PCDHA5: variants seen among roughly 807,000 people sequenced by gnomAD.
PCDHA5 encodes protocadherin alpha-5.
Under a neutral mutation model 61.6 loss-of-function variants are expected in PCDHA5, and 43 were observed. That is an observed-to-expected ratio of 0.70 (90% CI 0.55 to 0.90). PCDHA5 has a LOEUF of 0.90. Ranked by LOEUF, PCDHA5 falls within the 40% of genes least tolerant of loss-of-function variation. The pLI is 0.00. For missense variants in PCDHA5, 1,298 were observed against 1,222.7 expected, an observed-to-expected ratio of 1.06 and a Z score of -0.92; for synonymous variants, 627 against 543.9, an observed-to-expected ratio of 1.15 and a Z score of -2.13.
intron 1 of PCDHA5, chr5:140,883,197 TC>T: frequency 6.2e-7 from 1 of 1,613,904 alleles, no homozygotes; most frequent in Admixed American, 1.7e-5. Context: ...AAACTAGATT[TC>T]GAAGAAAAGA....
chr5:140,986,737 G>A (rs1183806071), intron 3 of PCDHA5, among the ~76,000 whole-genome samples: 1 of 152,192 alleles, frequency 6.6e-6, no homozygotes, highest in African/African-American at 2.4e-5. Flanking sequence ...CAAGACCCCA[G>A]GGGATCTGGG....
rs1554148611 is a variant in PCDHA5, at chr5:140,856,378, C to A, written c.2352+32251C>A. 3 of 1,598,456 alleles carry A rather than the reference C, an allele frequency of 1.9e-6. 1 individual carries two copies. Among genetic ancestry groups the A allele is most frequent in the South Asian group, 2.2e-5 (2 of 90,536 alleles). ...GCATCCACCTGGAGGTGATCGTGGA[C>A]AGGCCGCTGCAGGTTTTCCATGTGG... On this transcript the variant is annotated intron_variant, in intron 1 of 3. Coordinates refer to ENST00000529859, the MANE Select transcript of PCDHA5 (RefSeq NM_018908.3).
intron 3 of PCDHA5, among the ~76,000 whole-genome samples, chr5:140,998,721 C>A (rs987484967): frequency 4.6e-5 from 7 of 152,084 alleles, no homozygotes; most frequent in Admixed American, 4.6e-4. Flanking sequence ...TGCACCACCA[C>A]GCTAGGCTAA....
rs549444106 is a variant in PCDHA5 at position 140,953,999 on chromosome 5, T to C, written c.2353-24950T>C. Among the ~76,000 whole-genome samples the C allele has an allele frequency of 1.1e-4, 16 of 152,294 alleles. No homozygotes were observed. In the South Asian group the frequency reaches 3.3e-3, roughly 32 times the overall value. ...CCCTTCATATTTTCATGTGTACTCA[T>C]CATTCAGCTCCCACACATAGTGGGA... is the stretch of plus-strand genomic sequence containing the variant. On this transcript the variant is annotated intron_variant, in intron 1 of 3. Transcript: ENST00000529859.
chr5:140,925,166 A>G (rs2082364629), intron 1 of PCDHA5, among the ~76,000 whole-genome samples: 1 of 152,126 alleles, frequency 6.6e-6, no homozygotes, highest in Admixed American at 6.5e-5. Context: ...GAATTGTGTA[A>G]TTGACCCCAA....
intron 1 of PCDHA5, among the ~76,000 whole-genome samples, chr5:140,907,756 C>A (rs183321184): frequency 6.6e-6 from 1 of 152,146 alleles, no homozygotes; most frequent in African/African-American, 2.4e-5. Flanking sequence ...TGTTCATGGG[C>A]CCATTGGGTG....
chr5:140,888,487 ACT>A (rs1486157760), intron 1 of PCDHA5, among the ~76,000 whole-genome samples: 1 of 152,162 alleles, frequency 6.6e-6, no homozygotes, highest in Non-Finnish European at 1.5e-5. Flanking sequence ...CTGTTGAGAA[ACT>A]CTGCTTTAAA....
chr5:140,871,132 G>T, intron 1 of PCDHA5: 7 of 1,613,372 alleles, frequency 4.3e-6, no homozygotes, highest in Non-Finnish European at 5.9e-6. Context: ...GGCGCCAAAG[G>T]CCTCTTCCCG....
chr5:140,876,334 A>T (rs782377581), intron 1 of PCDHA5: 3 of 1,614,030 alleles, frequency 1.9e-6, no homozygotes, highest in Admixed American at 1.7e-5. Context: ...TTTGCCAGTG[A>T]GTGAGAAATG....
intron 1 of PCDHA5, among the ~76,000 whole-genome samples, chr5:140,912,495 GC>G (rs2075942069): frequency 6.6e-6 from 1 of 152,084 alleles, no homozygotes. Context: ...AGATCTAGGA[GC>G]TTTTTGGATG....
intron 1 of PCDHA5, among the ~76,000 whole-genome samples, chr5:140,953,053 T>G (rs1475683860): frequency 2.0e-5 from 3 of 152,142 alleles, no homozygotes; most frequent in African/African-American, 7.2e-5. Flanking sequence ...TCCAATCACC[T>G]CTCACAGGCC....
intron 1 of PCDHA5, among the ~76,000 whole-genome samples, chr5:140,847,077 G>T (rs2150397168): frequency 6.7e-6 from 1 of 149,668 alleles, no homozygotes; most frequent in East Asian, 1.9e-4. Flanking sequence ...ATGACAAGTA[G>T]AAAAGTCCAC....
In PCDHA5 at chr5:140,871,299, G is replaced by T. The variant is rs782459625; in HGVS notation, c.2352+47172G>T. On this transcript the variant is annotated intron_variant, in intron 1 of 3. Coordinates refer to ENST00000529859, the MANE Select transcript of PCDHA5 (RefSeq NM_018908.3). The stretch of plus-strand genomic sequence containing the variant: ...CAACGCCCACTGAGGGCGCGTGCGC[G>T]CCGGGGAAGCCCACGCTGGTGTGCT... 1.5e-5 allele frequency: 24 copies of T among 1,613,798 alleles called. No homozygotes were observed. In the East Asian group the frequency reaches 5.3e-4, roughly 36 times the overall value.
intron 1 of PCDHA5, chr5:140,829,309 G>A (rs2150165707): frequency 1.1e-5 from 17 of 1,614,252 alleles, no homozygotes; most frequent in Non-Finnish European, 1.4e-5. Context: ...ATTACTACTC[G>A]TTGGTGCTGG....
chr5:140,843,756 G>T, intron 1 of PCDHA5: 5 of 1,503,398 alleles, frequency 3.3e-6, no homozygotes, highest in Admixed American at 1.9e-5. Flanking sequence ...TTCTATTTGT[G>T]GAAATTGTAG....
chr5:140,862,682 T>C (rs536714837), intron 1 of PCDHA5: 55 of 551,686 alleles, frequency 1.0e-4, no homozygotes, highest in South Asian at 7.3e-4. Flanking sequence ...AACGTGCTGG[T>C]GTCCTACTCG....
At chr5:140,853,663 T>C (rs1278843204) in intron 1 of PCDHA5, 2 of 988,324 alleles carry the variant, frequency 2.0e-6, no homozygotes, top group South Asian at 4.7e-5. Context: ...CCAGACAAAT[T>C]GGGGCCTATG....
At chr5:140,862,902 G>C (rs782710771) in intron 1 of PCDHA5, 1 of 554,284 alleles carries the variant, frequency 1.8e-6, no homozygotes, top group Non-Finnish European at 3.5e-6. Context: ...CTTTGTCTGC[G>C]CTGCTGGCGC....
chr5:140,827,878 G>T, intron 1 of PCDHA5: 1 of 657,238 alleles, frequency 1.5e-6, no homozygotes, highest in East Asian at 2.7e-5. Context: ...ACTGTTACGT[G>T]AATTGATTTC....
Sources: allele counts gnomAD v4.1 joint callset (sites outside exome capture counted in the v4.1 genomes callset), GRCh38; gene constraint gnomAD v4.1.1; transcripts MANE v1.5; gene names NCBI Gene and HGNC (gene_info 2026-07-23, HGNC 2026-07-21).